STK32B: variants seen among roughly 807,000 people sequenced by gnomAD.
The protein encoded by STK32B is serine/threonine kinase 32B.
STK32B carries 43 observed loss-of-function variants against 52.6 expected under a neutral mutation model. The ratio of observed to expected loss-of-function variants is 0.82; its 90% CI spans 0.64 to 1.05. STK32B has a LOEUF of 1.05. Among genes scored for constraint, STK32B ranks in the 50% least tolerant of loss-of-function variants. STK32B has a pLI of 0.00. For missense variants in STK32B, 621 were observed against 534.6 expected, an observed-to-expected ratio of 1.16 and a Z score of -1.59; for synonymous variants, 238 against 204.3, an observed-to-expected ratio of 1.17 and a Z score of -1.41.
chr4:5,473,469 A>ATT (rs1336751468), intron 11 of STK32B, among the ~76,000 whole-genome samples: 1 of 152,118 alleles, frequency 6.6e-6, no homozygotes, highest in African/African-American at 2.4e-5. Context: ...GGTTATGCTT[A>ATT]TTCCCCCCCA....
intron 4 of STK32B, among the ~76,000 whole-genome samples, chr4:5,368,489 C>T (rs1177013589): frequency 2.0e-5 from 3 of 151,848 alleles, no homozygotes; most frequent in Non-Finnish European, 4.4e-5. Flanking sequence ...GCTTTGCTTT[C>T]AGTAACTCAC....
intron 3 of STK32B, among the ~76,000 whole-genome samples, chr4:5,174,082 T>G (rs1049231179): frequency 5.9e-5 from 9 of 152,314 alleles, no homozygotes; most frequent in Admixed American, 2.0e-4. Context: ...TTTTGATCTT[T>G]GTTGGTTTAA....
At chr4:5,124,370 G>A (rs1459255421) in intron 1 of STK32B, among the ~76,000 whole-genome samples, 1 of 152,140 alleles carries the variant, frequency 6.6e-6, no homozygotes, top group Non-Finnish European at 1.5e-5. Flanking sequence ...TTAGAGGTGG[G>A]TGGACATTCC....
chr4:5,242,864 G>A (rs959887937), intron 3 of STK32B, among the ~76,000 whole-genome samples: 7 of 152,180 alleles, frequency 4.6e-5, no homozygotes, highest in East Asian at 1.9e-4. Flanking sequence ...TTTTTCTCAG[G>A]TTTGTCAAAG....
intron 4 of STK32B, among the ~76,000 whole-genome samples, chr4:5,343,939 G>A (rs1410826014): frequency 6.6e-6 from 1 of 152,160 alleles, no homozygotes; most frequent in African/African-American, 2.4e-5. Flanking sequence ...CCGTTATGTA[G>A]TCATGATTCT....
At chr4:5,474,143 T>C (rs930224011) in intron 11 of STK32B, among the ~76,000 whole-genome samples, 4 of 152,110 alleles carry the variant, frequency 2.6e-5, no homozygotes, top group Non-Finnish European at 4.4e-5. Flanking sequence ...TAATGTTGGC[T>C]GACTTCATCT....
the STK32B span, among the ~76,000 whole-genome samples, chr4:5,031,401 A>G: frequency 6.6e-6 from 1 of 152,118 alleles, no homozygotes; most frequent in East Asian, 1.9e-4. Context: ...GTTTGAGGCC[A>G]GTCTGGGCAA....
Position 5,395,565 on chromosome 4 carries a change from T to C in STK32B, c.435-2642T>C, listed in dbSNP as rs970071564. Among the ~76,000 whole-genome samples, 5 of 152,224 alleles carry C rather than the reference T, an allele frequency of 3.3e-5. No individual in the cohort carries two copies. The highest frequency in any genetic ancestry group is 9.6e-5 in the African/African-American group (4 of 41,454). On this transcript the variant is annotated intron_variant, in intron 4 of 11. Coordinates refer to ENST00000282908, the MANE Select transcript of STK32B (RefSeq NM_018401.3). The surrounding 1 kb of genome is among the most constrained non-coding windows in gnomAD (Gnocchi z 4.4). ...AACTTACAATCCTGCCATTGATTCA[T>C]GTGCCTTCTGGTGTGCCTCTCTTCC... is the stretch of plus-strand genomic sequence containing the variant.
intron 6 of STK32B, among the ~76,000 whole-genome samples, chr4:5,432,128 G>A (rs1713640183): frequency 6.6e-6 from 1 of 152,176 alleles, no homozygotes; most frequent in South Asian, 2.1e-4. Context: ...CTCATTATGG[G>A]GTAAGGGCTA....
At chr4:5,131,735 T>C (rs1419939672) in intron 1 of STK32B, among the ~76,000 whole-genome samples, 1 of 152,238 alleles carries the variant, frequency 6.6e-6, no homozygotes, top group Non-Finnish European at 1.5e-5. Flanking sequence ...CTTCTGTCAC[T>C]TTATTTATGG....
intron 3 of STK32B, among the ~76,000 whole-genome samples, chr4:5,238,591 G>A (rs891171405): frequency 2.5e-4 from 38 of 152,188 alleles, no homozygotes; most frequent in African/African-American, 8.9e-4. Flanking sequence ...CTCTTAAAGG[G>A]ATTGTTTAAA....
intron 3 of STK32B, among the ~76,000 whole-genome samples, chr4:5,284,760 G>A (rs374081255): frequency 1.1e-4 from 16 of 152,188 alleles, no homozygotes; most frequent in African/African-American, 2.2e-4. Flanking sequence ...TCATCTCCAC[G>A]TGAGCAGCTC....
chr4:5,486,818 T>C (rs1171016389), intron 11 of STK32B, among the ~76,000 whole-genome samples: 1 of 152,202 alleles, frequency 6.6e-6, no homozygotes, highest in African/African-American at 2.4e-5. Context: ...GGCTGGTCTT[T>C]AAGTATGTCC....
intron 1 of STK32B, among the ~76,000 whole-genome samples, chr4:5,106,751 C>T (rs1445661133): frequency 6.6e-6 from 1 of 152,070 alleles, no homozygotes; most frequent in African/African-American, 2.4e-5. Flanking sequence ...TATTGCTTTT[C>T]CATGCTATTT....
At chr4:5,196,851 G>A (rs1186048291) in intron 3 of STK32B, among the ~76,000 whole-genome samples, 1 of 152,204 alleles carries the variant, frequency 6.6e-6, no homozygotes, top group Non-Finnish European at 1.5e-5. Flanking sequence ...AGATCTAGGT[G>A]AGCACAGCAC....
intron 3 of STK32B, among the ~76,000 whole-genome samples, chr4:5,308,862 A>G (rs1441562725): frequency 1.3e-5 from 2 of 152,136 alleles, no homozygotes; most frequent in South Asian, 2.1e-4. Flanking sequence ...CACTTTCACC[A>G]CTGTTTATTA....
intron 11 of STK32B, among the ~76,000 whole-genome samples, chr4:5,493,246 A>T (rs1452897338): frequency 3.3e-5 from 5 of 152,206 alleles, no homozygotes; most frequent in Admixed American, 2.0e-4. Flanking sequence ...GATTATTGCC[A>T]CAATTTCAGA....
Position 5,315,402 on chromosome 4 carries a change from A to G in STK32B, c.261-15818A>G, listed in dbSNP as rs550080603. Among the ~76,000 whole-genome samples, 12 of 151,680 alleles carry G rather than the reference A, an allele frequency of 7.9e-5. No homozygotes were observed. In the South Asian group the frequency reaches 2.5e-3, roughly 31 times the overall value. Reference sequence around the variant, plus strand: ...ACTTTAAGAGGGAAGATAAGCCACAAAACAGTAACAATAATACTCAGCAAC... The same window carrying G: ...ACTTTAAGAGGGAAGATAAGCCACAGAACAGTAACAATAATACTCAGCAAC... On this transcript the variant is annotated intron_variant, in intron 3 of 11. Transcript: ENST00000282908.
At chr4:5,085,508 C>T (rs964934888) in intron 1 of STK32B, among the ~76,000 whole-genome samples, 2 of 152,188 alleles carry the variant, frequency 1.3e-5, no homozygotes, top group African/African-American at 2.4e-5. Context: ...AGAAAACACA[C>T]ATTGGAAGCA....
Sources: allele counts gnomAD v4.1 joint callset (sites outside exome capture counted in the v4.1 genomes callset), GRCh38; gene constraint gnomAD v4.1.1; non-coding constraint Gnocchi (gnomAD v3.1); transcripts MANE v1.5; gene names NCBI Gene and HGNC (gene_info 2026-07-23, HGNC 2026-07-21).